Variants in SLIT3 observed in about 807,000 individuals in gnomAD.
SLIT3 encodes the protein slit guidance ligand 3.
In SLIT3, 68 loss-of-function variants were observed where a neutral mutation model predicts 184.0. The observed-to-expected ratio is 0.37, with a 90% CI of 0.30 to 0.45. The LOEUF is 0.45. Ranked by LOEUF, SLIT3 falls within the 20% of genes least tolerant of loss-of-function variation. The pLI, the probability that SLIT3 is intolerant of heterozygous loss-of-function variation, is 1.00. For synonymous variants in SLIT3, 831 were observed against 828.6 expected (o/e 1.00, Z -0.05); for missense variants, 1,707 against 2,026.0 (o/e 0.84, Z 3.02).
intron 4 of SLIT3, among the ~76,000 whole-genome samples, chr5:169,182,770 C>A (rs1231706268): frequency 6.6e-6 from 1 of 152,118 alleles, no homozygotes; most frequent in Non-Finnish European, 1.5e-5. Flanking sequence ...TGCAGTATTT[C>A]CCTAATATTT....
rs553942386 is a variant in SLIT3 at position 168,954,169 on chromosome 5, T to C, written c.414-70833A>G. Among the ~76,000 whole-genome samples, 65 of 152,122 alleles carry C rather than the reference T, an allele frequency of 4.3e-4. No individual in the cohort carries two copies. In the South Asian group the frequency reaches 6.9e-3, roughly 16 times the overall value. On this transcript the variant is annotated intron_variant, in intron 4 of 35. Transcript: ENST00000519560. ...CTTTGGCACTGGCTTCTTCAGAGTA[T>C]TTGACCTTGGGCAGGTTACTTACCC...
chr5:168,912,752 C>T (rs1228930291), intron 4 of SLIT3, among the ~76,000 whole-genome samples: 1 of 152,166 alleles, frequency 6.6e-6, no homozygotes, highest in Non-Finnish European at 1.5e-5. Context: ...CATGGTCCCT[C>T]CACAAGTGGC....
Position 168,669,351 on chromosome 5 carries a change from G to A in SLIT3, c.4336+432C>T, listed in dbSNP as rs566190444. Among the ~76,000 whole-genome samples the A allele has an allele frequency of 4.6e-5, 7 of 152,302 alleles. No individual in the cohort carries two copies. The East Asian group carries it at 9.7e-4, about 21-fold the overall frequency. On this transcript the variant is annotated intron_variant, in intron 35 of 35. Transcript: ENST00000519560. ...AAGAGCCTGTGTAGTGACTCATGCA[G>A]GGCAGAACTGGGACCTCCCGCCAAC...
At position 168,674,068 on chromosome 5, in the gene SLIT3, CAA is replaced by C. The variant is rs548019529; in HGVS notation, c.3687-739_3687-738del. Among the ~76,000 whole-genome samples the C allele has an allele frequency of 7.2e-5, 11 of 152,228 alleles. No homozygotes were observed. The East Asian group carries it at 1.9e-3, about 27-fold the overall frequency. Reference sequence around the variant, plus strand: ...ATATTTTTTTCTAGTACATATAAAACAAACTCTCTCACAGTTAAAATTTCAAT... The same window carrying C: ...ATATTTTTTTCTAGTACATATAAAACACTCTCTCACAGTTAAAATTTCAAT... On this transcript the variant is annotated intron_variant, in intron 32 of 35. Coordinates refer to ENST00000519560, the MANE Select transcript of SLIT3 (RefSeq NM_003062.4).
Position 168,979,967 on chromosome 5 carries a change from C to T in SLIT3, c.414-96631G>A, listed in dbSNP as rs78378395. ...CTAGGCTCACTTCACAAAAAACCCT[C>T]GGAGAACAGGAACTGGGCAAAAAGG... On this transcript the variant is annotated intron_variant, in intron 4 of 35. Transcript: ENST00000519560. Among the ~76,000 whole-genome samples the T allele has an allele frequency of 3.2e-3, 494 of 152,212 alleles. 16 individuals are homozygous for T. The East Asian group carries it at 0.072, about 22-fold the overall frequency.
chr5:169,233,273 T>G (rs1017650309), intron 3 of SLIT3, among the ~76,000 whole-genome samples: 7 of 152,192 alleles, frequency 4.6e-5, no homozygotes, highest in African/African-American at 1.7e-4. Context: ...TCTGCCCACC[T>G]CGGCTTCCCA....
intron 4 of SLIT3, among the ~76,000 whole-genome samples, chr5:169,135,025 G>C (rs1159758284): frequency 6.6e-6 from 1 of 152,210 alleles, no homozygotes. Flanking sequence ...TATGTGTTGT[G>C]ACACTGGGTA....
At chr5:169,146,988 A>G (rs1423011122) in intron 4 of SLIT3, among the ~76,000 whole-genome samples, 1 of 152,216 alleles carries the variant, frequency 6.6e-6, no homozygotes, top group African/African-American at 2.4e-5. Context: ...TAATACAAGA[A>G]AACTACTTAG....
chr5:168,753,018 T>C lies in SLIT3; in HGVS notation c.1910A>G (p.Tyr637Cys). 1 of 1,613,936 alleles carries C rather than the reference T, an allele frequency of 6.2e-7. No individual in the cohort carries two copies. Among genetic ancestry groups the C allele is most frequent in the Middle Eastern group, 1.6e-4 (1 of 6,062 alleles). Reference sequence around the variant, plus strand: ...GGTGATGGTGGTGATCCGATTGTCATAGAGGGACAGCAGTCTCACCGAACT... The same window carrying C: ...GGTGATGGTGGTGATCCGATTGTCACAGAGGGACAGCAGTCTCACCGAACT... ...GLSSVRLLSL[Y>C]DNRITTITPG... Residue 637 changes from tyrosine (Y) to cysteine (C), a missense_variant, in exon 18 of 36, where the codon TAT (tyrosine) becomes TGT (cysteine). Coordinates refer to ENST00000519560, the MANE Select transcript of SLIT3 (RefSeq NM_003062.4).
At chr5:169,056,070 T>G (rs531139364) in intron 4 of SLIT3, among the ~76,000 whole-genome samples, 1 of 151,940 alleles carries the variant, frequency 6.6e-6, no homozygotes, top group Non-Finnish European at 1.5e-5. Flanking sequence ...AGTCTGGGAG[T>G]CTGGTTAGGC....
chr5:168,711,662 C>T (rs755579081), intron 24 of SLIT3, among the ~76,000 whole-genome samples: 3 of 151,970 alleles, frequency 2.0e-5, no homozygotes, highest in Non-Finnish European at 2.9e-5. Flanking sequence ...AATACAAACT[C>T]GAAAATGTTC....
intron 3 of SLIT3, among the ~76,000 whole-genome samples, chr5:169,204,452 C>T (rs1240908587): frequency 2.0e-5 from 3 of 152,090 alleles, no homozygotes; most frequent in Admixed American, 6.5e-5. Context: ...GTGGTCAAGT[C>T]GGGTTTTATT....
At chr5:168,982,609 G>A (rs181839776) in intron 4 of SLIT3, among the ~76,000 whole-genome samples, 2 of 152,114 alleles carry the variant, frequency 1.3e-5, no homozygotes, top group African/African-American at 4.8e-5. Flanking sequence ...TTAGTCTATA[G>A]GTTGCAGTCT....
intron 4 of SLIT3, among the ~76,000 whole-genome samples, chr5:169,188,621 A>G (rs913255903): frequency 2.0e-5 from 3 of 152,160 alleles, no homozygotes; most frequent in Admixed American, 1.3e-4. Context: ...TAGGTGCTAC[A>G]AAGTTTATAC....
At chr5:168,874,609 T>C (rs1318118247) in intron 5 of SLIT3, among the ~76,000 whole-genome samples, 1 of 152,198 alleles carries the variant, frequency 6.6e-6, no homozygotes, top group Non-Finnish European at 1.5e-5. Context: ...TGTGGTACTG[T>C]CTATGAAACT....
At chr5:168,972,646 A>T (rs73802465) in intron 4 of SLIT3, among the ~76,000 whole-genome samples, 1 of 152,190 alleles carries the variant, frequency 6.6e-6, no homozygotes, top group African/African-American at 2.4e-5. Flanking sequence ...GGCCACTGGG[A>T]AGCACTCAGT....
At chr5:169,140,503 A>T (rs1761688928) in intron 4 of SLIT3, among the ~76,000 whole-genome samples, 1 of 143,832 alleles carries the variant, frequency 7.0e-6, no homozygotes, top group South Asian at 2.2e-4. Context: ...AAAAAAAAAA[A>T]AAAAAAGACG....
At chr5:169,123,969 C>T (rs968569483) in intron 4 of SLIT3, among the ~76,000 whole-genome samples, 2 of 152,192 alleles carry the variant, frequency 1.3e-5, no homozygotes, top group Non-Finnish European at 2.9e-5. Flanking sequence ...GAGAGCCCTT[C>T]TCCACCACAA....
intron 4 of SLIT3, among the ~76,000 whole-genome samples, chr5:168,939,759 C>T (rs1173884237): frequency 2.6e-5 from 4 of 152,196 alleles, no homozygotes; most frequent in Non-Finnish European, 5.9e-5. Context: ...TGGAAAGCAA[C>T]ATTTAAGACC....
Sources: allele counts gnomAD v4.1 joint callset (sites outside exome capture counted in the v4.1 genomes callset), GRCh38; gene constraint gnomAD v4.1.1; transcripts MANE v1.5; gene names NCBI Gene and HGNC (gene_info 2026-07-23, HGNC 2026-07-21).